PLEKHG3: variants seen among roughly 807,000 people sequenced by gnomAD.
PLEKHG3 encodes the protein pleckstrin homology domain-containing family G member 3.
In PLEKHG3, 62 loss-of-function variants were observed where a neutral mutation model predicts 94.9. The ratio of observed to expected loss-of-function variants is 0.65; its 90% CI spans 0.53 to 0.81. The LOEUF (loss-of-function observed/expected upper bound fraction) is 0.81. Ranked by LOEUF, PLEKHG3 falls within the 30% of genes least tolerant of loss-of-function variation. The pLI is 0.00. For missense variants in PLEKHG3, 1,461 were observed against 1,619.3 expected (o/e 0.90, Z 1.68); for synonymous variants, 614 against 654.0 (o/e 0.94, Z 0.93).
Position 64,727,457 on chromosome 14 carries a change from A to G in PLEKHG3, c.-39-136A>G. ...CACTGTCTATCCACAGAACCTTTTCATCTTCTAAAACTGAACTCTGGATGC... is the reference window on the plus strand; with the variant it reads ...CACTGTCTATCCACAGAACCTTTTCGTCTTCTAAAACTGAACTCTGGATGC... On this transcript the variant is annotated intron_variant, in intron 1 of 16. Transcript: ENST00000247226. The surrounding 1 kb of genome is among the most constrained non-coding windows in gnomAD (Gnocchi z 6.0). The G allele has an allele frequency of 1.7e-6, 1 of 582,912 alleles. No individual in the cohort carries two copies. Among genetic ancestry groups the G allele is most frequent in the Admixed American group, 3.1e-5 (1 of 32,678 alleles). The allele number at this position is 582,912 out of a possible 1,614,324, so 36.1% of individuals were successfully genotyped here.
chr14:64,742,099 C>G lies in PLEKHG3; in HGVS notation c.2582C>G (p.Ser861Trp). Residue 861 changes from serine to tryptophan, a missense_variant, in exon 16 of 17, where the codon TCG becomes TGG. Ser to Trp is a radical substitution (Grantham distance 177). Around this residue, in one of 3 missense-constraint regions of PLEKHG3, gnomAD observed 1,201 missense variants for 1,295.5 expected, o/e 0.93. Coordinates refer to ENST00000247226, the MANE Select transcript of PLEKHG3 (RefSeq NM_001308147.2). ...GAGCTGGGAGCCATCACAGAGGAGT[C>G]GGCCACTGCCTCCCCGGAAAGCTCC... is the stretch of plus-strand genomic sequence containing the variant. ...EHELGAITEE[S>W]ATASPESSSP... 1 of 1,610,250 alleles carries G rather than the reference C, an allele frequency of 6.2e-7. No homozygotes were observed. The highest frequency in any genetic ancestry group is 1.1e-5 in the South Asian group (1 of 91,054).
chr14:64,727,520 CTGGCAA>C lies in PLEKHG3; in HGVS notation c.-39-72_-39-67del. 5.3e-6 allele frequency: 3 copies of C among 570,822 alleles called. No homozygotes were observed. The highest frequency in any genetic ancestry group is 6.4e-6 in the Non-Finnish European group (2 of 312,316). The allele number at this position is 570,822 out of a possible 1,614,324, so 35.4% of individuals were successfully genotyped here. ...CTTCCCACCCCACCTGCCCCCACCC[CTGGCAA>C]CCGTCCCTCTGTTCTGTTTCTGTGG... On this transcript the variant is annotated intron_variant, in intron 1 of 16. Coordinates refer to ENST00000247226, the MANE Select transcript of PLEKHG3 (RefSeq NM_001308147.2). This position sits in a 1 kb window ranked among gnomAD's most constrained non-coding sequence, Gnocchi z 6.0.
rs544767777 is a variant in PLEKHG3, at chr14:64,731,216, C to G, written c.849+47C>G. On this transcript the variant is annotated intron_variant, in intron 7 of 16. Transcript: ENST00000247226. The surrounding 1 kb of genome is among the most constrained non-coding windows in gnomAD (Gnocchi z 6.1). ...GGGGGAGGGGCAGGGCTGGGTGGGCCAGGCTTCCGCTGGGAAGAGGGACTG... is the reference window on the plus strand; with the variant it reads ...GGGGGAGGGGCAGGGCTGGGTGGGCGAGGCTTCCGCTGGGAAGAGGGACTG... The G allele has an allele frequency of 2.3e-4, 353 of 1,546,224 alleles. 3 individuals carry two copies. The South Asian group carries it at 3.7e-3, about 16-fold the overall frequency.
At chr14:64,742,529 C>CTTA in intron 16 of PLEKHG3, 74 bp downstream of exon 16, 4 of 1,175,160 alleles carry the variant, frequency 3.4e-6, no homozygotes, top group South Asian at 1.6e-5. Flanking sequence ...CACTTGGCTC[C>CTTA]TCGGGGAAAG....
In PLEKHG3 at chr14:64,742,319, C is replaced by A; in HGVS notation, c.2802C>A (p.Ser934Arg). ...TCTACCAGCTGGCCCGCCAGTACAGCCTCCGGATCAAGAGCAACAAGCCAG... is the reference window on the plus strand; with the variant it reads ...TCTACCAGCTGGCCCGCCAGTACAGACTCCGGATCAAGAGCAACAAGCCAG... Reference protein sequence around the residue: ...NKVYQLARQYSLRIKSNKPVM... With the variant: ...NKVYQLARQYRLRIKSNKPVM... The change falls in exon 16 of 17, where the codon AGC (serine) becomes AGA (arginine). Residue 934 changes from serine to arginine, a missense_variant. By Grantham distance (110) the Ser-to-Arg change is moderately radical. This residue lies in a region of PLEKHG3 where 1,201 missense variants were observed against 1,295.5 expected (regional missense o/e 0.93). Transcript: ENST00000247226. 1 of 1,613,056 alleles carries A rather than the reference C, an allele frequency of 6.2e-7. No homozygotes were observed. The highest frequency in any genetic ancestry group is 8.5e-7 in the Non-Finnish European group (1 of 1,180,024).
intron 1 of PLEKHG3, among the ~76,000 whole-genome samples, chr14:64,706,880 G>A (rs1317395223): frequency 1.3e-5 from 2 of 152,242 alleles, no homozygotes; most frequent in Non-Finnish European, 2.9e-5. Context: ...TGTAAGCCAG[G>A]GGTGCTGCCA....
intron 15 of PLEKHG3, 41 bp from the exon 16 acceptor site, chr14:64,740,995 G>T: frequency 1.3e-6 from 2 of 1,483,414 alleles, no homozygotes; most frequent in Non-Finnish European, 1.8e-6. Flanking sequence ...TCCCATGAAG[G>T]AGGCTTTTTA....
Position 64,749,176 on chromosome 14 carries a change from G to T in PLEKHG3, c.*5473G>T. 8.7e-7 allele frequency: 1 copy of T among 1,144,376 alleles called. No homozygotes were observed. 70.9% of individuals were successfully genotyped at this position (1,144,376 alleles called of 1,614,324 possible). ...AAGGCAGCTTTTGCAGTGCAGCGTG[G>T]GGCCCGGGGGCCCGGCCCGCGACTC... On this transcript the variant is annotated 3_prime_UTR_variant, in exon 17 of 17. Transcript: ENST00000247226. The surrounding 1 kb of genome is among the most constrained non-coding windows in gnomAD (Gnocchi z 4.7).
At chr14:64,740,646 A>C (rs141617670) in intron 15 of PLEKHG3, among the ~76,000 whole-genome samples, 251 of 152,348 alleles carry the variant, frequency 1.6e-3, no homozygotes, top group African/African-American at 5.8e-3. Context: ...CCTCACCATC[A>C]GCCATGCTGG....
chr14:64,732,528 G>T lies in PLEKHG3; in HGVS notation c.1246+68G>T, dbSNP rs2081488297. The T allele has an allele frequency of 1.4e-6, 2 of 1,426,908 alleles. No individual in the cohort carries two copies. Among genetic ancestry groups the T allele is most frequent in the African/African-American group, 2.8e-5 (2 of 71,242 alleles). The allele number at this position is 1,426,908 out of a possible 1,614,324, so 88.4% of individuals were successfully genotyped here. A position where few individuals can be genotyped will look rare whatever the true frequency, so the allele number is the denominator to read the frequency against. On this transcript the variant is annotated intron_variant, in intron 11 of 16. Coordinates refer to ENST00000247226, the MANE Select transcript of PLEKHG3 (RefSeq NM_001308147.2). This position sits in a 1 kb window ranked among gnomAD's most constrained non-coding sequence, Gnocchi z 4.9. ...CATTGCTAGGTCAGGCTGCATCCTG[G>T]GGAAGCTTTACCTGATAATTTTATT... is the stretch of plus-strand genomic sequence containing the variant.
At position 64,747,847 on chromosome 14, in the gene PLEKHG3, C is replaced by T. The variant is rs2081872849; in HGVS notation, c.*4144C>T. 7.3e-6 allele frequency: 1 copy of T among 136,830 alleles called. No individual in the cohort carries two copies. Among genetic ancestry groups the T allele is most frequent in the African/African-American group, 2.7e-5 (1 of 37,346 alleles). 8.5% of individuals were successfully genotyped at this position (136,830 alleles called of 1,614,324 possible). ...CGCTTGACTGCTCTCTTGGACCTAACCCTAGTTTGATACTGGGCCAGAACT... is the reference window on the plus strand; with the variant it reads ...CGCTTGACTGCTCTCTTGGACCTAATCCTAGTTTGATACTGGGCCAGAACT... On this transcript the variant is annotated 3_prime_UTR_variant, in exon 17 of 17. Coordinates refer to ENST00000247226, the MANE Select transcript of PLEKHG3 (RefSeq NM_001308147.2).
At position 64,716,472 on chromosome 14, in the gene PLEKHG3, C is replaced by CACACACA. The variant is rs2081155545; in HGVS notation, c.-39-11120_-39-11114dup. On this transcript the variant is annotated intron_variant, in intron 1 of 16. Coordinates refer to ENST00000247226, the MANE Select transcript of PLEKHG3 (RefSeq NM_001308147.2). This position sits in a 1 kb window ranked among gnomAD's most constrained non-coding sequence, Gnocchi z 5.0. ...CACACACACACACACACACAACACA[C>CACACACA]ACACACACAACACACACACACACAA... Among the ~76,000 whole-genome samples the CACACACA allele has an allele frequency of 7.4e-6, 1 of 134,306 alleles. No individual in the cohort carries two copies. The highest frequency in any genetic ancestry group is 1.6e-5 in the Non-Finnish European group (1 of 61,730). The allele number at this position is 134,306 out of a possible 152,430, so 88.1% of individuals were successfully genotyped here.
chr14:64,749,654 C>T lies in PLEKHG3; in HGVS notation c.*5951C>T. ...TCTGGGCTAGGCTGCCCGCGCTTAC[C>T]TCATCCTTGCCATGGAAGAGCCACT... On this transcript the variant is annotated 3_prime_UTR_variant, in exon 17 of 17. Coordinates refer to ENST00000247226, the MANE Select transcript of PLEKHG3 (RefSeq NM_001308147.2). This position sits in a 1 kb window ranked among gnomAD's most constrained non-coding sequence, Gnocchi z 4.7. The T allele has an allele frequency of 6.2e-7, 1 of 1,613,794 alleles. No individual in the cohort carries two copies. Among genetic ancestry groups the T allele is most frequent in the Non-Finnish European group, 8.5e-7 (1 of 1,179,950 alleles).
At chr14:64,740,842 G>A (rs985324038) in intron 15 of PLEKHG3, among the ~76,000 whole-genome samples, 194 bp from the exon 16 acceptor site, 4 of 152,278 alleles carry the variant, frequency 2.6e-5, no homozygotes, top group South Asian at 2.1e-4. Flanking sequence ...CCCACTGTAC[G>A]GTGACTAAAG....
chr14:64,735,172 A>G (rs1211074324), intron 12 of PLEKHG3, among the ~76,000 whole-genome samples: 1 of 152,198 alleles, frequency 6.6e-6, no homozygotes, highest in Non-Finnish European at 1.5e-5. Context: ...GAGGGGCCCC[A>G]GAGGCTGTGG....
At position 64,730,798 on chromosome 14, in the gene PLEKHG3, G is replaced by A. The variant is rs566035990; in HGVS notation, c.567-1G>A. 1.2e-6 allele frequency: 2 copies of A among 1,612,970 alleles called. No individual in the cohort carries two copies. Among genetic ancestry groups the A allele is most frequent in the African/African-American group, 1.3e-5 (1 of 75,022 alleles). On this transcript the variant is annotated splice_acceptor_variant, in intron 5 of 16. Coordinates refer to ENST00000247226, the MANE Select transcript of PLEKHG3 (RefSeq NM_001308147.2). LOFTEE classifies it high-confidence loss of function. The surrounding 1 kb of genome is among the most constrained non-coding windows in gnomAD (Gnocchi z 5.4). ...GTGACTGGCCCTTCTCCCACTCCCAGCTCCGTGGCCGCCCTGACGGAATGC... is the reference window on the plus strand; with the variant it reads ...GTGACTGGCCCTTCTCCCACTCCCAACTCCGTGGCCGCCCTGACGGAATGC...
At position 64,738,588 on chromosome 14, in the gene PLEKHG3, G is replaced by A. The variant is rs1023983415; in HGVS notation, c.1405-154G>A. Reference sequence around the variant, plus strand: ...AAGGCTTTCCGCAGCCCCAGGCCTGGCAGTTCAGGTTGGCTCTGGAATGGC... The same window carrying A: ...AAGGCTTTCCGCAGCCCCAGGCCTGACAGTTCAGGTTGGCTCTGGAATGGC... On this transcript the variant is annotated intron_variant, in intron 14 of 16. Coordinates refer to ENST00000247226, the MANE Select transcript of PLEKHG3 (RefSeq NM_001308147.2). The surrounding 1 kb of genome is among the most constrained non-coding windows in gnomAD (Gnocchi z 4.8). 2.0e-5 allele frequency among the ~76,000 whole-genome samples: 3 copies of A among 152,238 alleles called. No individual in the cohort carries two copies. Among genetic ancestry groups the A allele is most frequent in the African/African-American group, 7.2e-5 (3 of 41,458 alleles).
intron 1 of PLEKHG3, among the ~76,000 whole-genome samples, chr14:64,719,190 G>T (rs1320318257): frequency 6.6e-6 from 1 of 152,178 alleles, no homozygotes; most frequent in Non-Finnish European, 1.5e-5. Flanking sequence ...CACGGGTGGT[G>T]GGGGAAGGTT....
In PLEKHG3 at chr14:64,749,906, C is replaced by G. The variant is rs561908039; in HGVS notation, c.*6203C>G. 140 of 1,594,612 alleles carry G rather than the reference C, an allele frequency of 8.8e-5. 1 individual carries two copies. The East Asian group carries it at 3.0e-3, about 34-fold the overall frequency. On this transcript the variant is annotated 3_prime_UTR_variant, in exon 17 of 17. Transcript: ENST00000247226. This position sits in a 1 kb window ranked among gnomAD's most constrained non-coding sequence, Gnocchi z 4.7. ...GCTCAGGCCTGGCACTGGTCCCCTA[C>G]AGAGGGCCTCTGCCCTGCCACTAAT...
Sources: gnomAD v4.1 joint callset for allele counts (sites outside exome capture counted in the v4.1 genomes callset) on GRCh38, gnomAD v4.1.1 for gene constraint, gnomAD v4.1.1 regional missense constraint, Gnocchi (gnomAD v3.1) non-coding constraint, MANE v1.5 for transcripts, NCBI Gene and HGNC (gene_info 2026-07-23, HGNC 2026-07-21) for gene names.